EFCAB8: variants seen among roughly 807,000 people sequenced by gnomAD.
The protein encoded by EFCAB8 is EF-hand calcium-binding domain-containing protein 8.
A neutral mutation model predicts 116.3 loss-of-function variants in EFCAB8; 100 were observed. The ratio of observed to expected loss-of-function variants is 0.86; its 90% CI spans 0.73 to 1.02. The LOEUF is 1.02. Ranked by LOEUF, EFCAB8 falls within the 50% of genes least tolerant of loss-of-function variation. The pLI, the probability that EFCAB8 is intolerant of heterozygous loss-of-function variation, is 0.00. For missense variants in EFCAB8, 1,320 were observed against 1,416.9 expected (o/e 0.93, Z 1.10); for synonymous variants, 558 against 567.9 (o/e 0.98, Z 0.25).
chr20:32,861,313 A>G lies in EFCAB8; in HGVS notation c.-11+2307A>G, dbSNP rs1429017696. Among the ~76,000 whole-genome samples, 3 of 151,956 alleles carry G rather than the reference A, an allele frequency of 2.0e-5. No homozygotes were observed. In the East Asian group the frequency reaches 5.9e-4, roughly 30 times the overall value. On this transcript the variant is annotated intron_variant, in intron 1 of 26. Transcript: ENST00000400522. ...ATTTTATTTTATTTTTTTGAGACGG[A>G]GTTGCGTTCTTGTTGCCCAGGCTGG...
chr20:32,919,056 C>T (rs75263960), intron 19 of EFCAB8, among the ~76,000 whole-genome samples: 2,321 of 152,298 alleles, frequency 0.015, 36 homozygotes, highest in South Asian at 0.055. Flanking sequence ...AGGACTAGCC[C>T]TTCCAAGAAT....
At chr20:32,893,958 C>T (rs1292079506) in intron 9 of EFCAB8, among the ~76,000 whole-genome samples, 1 of 152,204 alleles carries the variant, frequency 6.6e-6, no homozygotes, top group African/African-American at 2.4e-5. Flanking sequence ...ATCTGAAGTC[C>T]GGCTGCCTGC....
At chr20:32,959,719 G>A (rs1390935967) in intron 24 of EFCAB8, 59 bp from the exon 25 acceptor site, 12 of 1,309,664 alleles carry the variant, frequency 9.2e-6, no homozygotes, top group South Asian at 1.6e-5. Context: ...AGGGTTTCTG[G>A]GAGGGTCACC....
chr20:32,939,197 T>C (rs1204580624), intron 22 of EFCAB8, among the ~76,000 whole-genome samples: 2 of 88,464 alleles, frequency 2.3e-5, no homozygotes, highest in South Asian at 3.7e-4. Context: ...CTTTCTTTCT[T>C]TCTTTCCTCT....
intron 22 of EFCAB8, among the ~76,000 whole-genome samples, chr20:32,939,065 C>T: frequency 7.9e-6 from 1 of 126,196 alleles, no homozygotes; most frequent in Non-Finnish European, 1.6e-5. Context: ...TTCTTTCTTT[C>T]TCTCTCCCCA....
At chr20:32,864,979 A>G (rs796908508) in intron 2 of EFCAB8, among the ~76,000 whole-genome samples, 2 of 152,182 alleles carry the variant, frequency 1.3e-5, no homozygotes, top group Non-Finnish European at 2.9e-5. Flanking sequence ...TGTTTTGCAG[A>G]TGAGGAAACC....
chr20:32,903,243 A>AC (rs1382801468), intron 11 of EFCAB8, among the ~76,000 whole-genome samples: 2 of 151,544 alleles, frequency 1.3e-5, no homozygotes, highest in African/African-American at 4.9e-5. Flanking sequence ...CTGAAGCCTC[A>AC]CCCCTCCCCT....
chr20:32,886,509 A>T (rs1985639634), intron 6 of EFCAB8, among the ~76,000 whole-genome samples: 1 of 152,152 alleles, frequency 6.6e-6, no homozygotes. Context: ...AGTGATTCAC[A>T]GTTGCATCAG....
At chr20:32,870,035 T>G (rs1350297808) in intron 3 of EFCAB8, among the ~76,000 whole-genome samples, 1 of 152,220 alleles carries the variant, frequency 6.6e-6, no homozygotes, top group East Asian at 1.9e-4. Flanking sequence ...TAAAGGCATC[T>G]TTCTTTATAT....
intron 20 of EFCAB8, among the ~76,000 whole-genome samples, chr20:32,927,751 C>T (rs960143915): frequency 3.3e-5 from 5 of 152,144 alleles, no homozygotes; most frequent in African/African-American, 1.2e-4. Flanking sequence ...GTACAGTGAG[C>T]ACTTGCATAA....
chr20:32,912,736 G>T, intron 16 of EFCAB8, 58 bp from the exon 17 acceptor site: 4 of 716,726 alleles, frequency 5.6e-6, no homozygotes, highest in Non-Finnish European at 1.0e-5. Flanking sequence ...GACATTTAGG[G>T]CCCAGAGCCA....
chr20:32,927,999 T>A (rs1183283518), intron 20 of EFCAB8, among the ~76,000 whole-genome samples: 1 of 152,120 alleles, frequency 6.6e-6, no homozygotes, highest in East Asian at 1.9e-4. Flanking sequence ...CCCCTCTCCC[T>A]CCAAACCCTG....
Position 32,870,487 on chromosome 20 carries a change from T to C in EFCAB8, c.208+2740T>C, listed in dbSNP as rs139470584. Among the ~76,000 whole-genome samples, 1,480 of 152,302 alleles carry C rather than the reference T, an allele frequency of 9.7e-3. 14 individuals carry two copies. Among genetic ancestry groups the C allele is most frequent in the Non-Finnish European group, 0.015 (1,039 of 68,032 alleles). ...CCTTTAAGTTATTACTGTTTTCTGT[T>C]TCCTGTGATCTTTATTTTTAATTTT... On this transcript the variant is annotated intron_variant, in intron 3 of 26. Transcript: ENST00000400522.
At chr20:32,866,087 G>A (rs1409730729) in intron 2 of EFCAB8, among the ~76,000 whole-genome samples, 2 of 152,102 alleles carry the variant, frequency 1.3e-5, no homozygotes, top group East Asian at 1.9e-4. Context: ...GAGCCTTCAC[G>A]TGCTCCTCTG....
chr20:32,899,973 G>A (rs934700707), intron 11 of EFCAB8, among the ~76,000 whole-genome samples: 1 of 152,176 alleles, frequency 6.6e-6, no homozygotes, highest in Non-Finnish European at 1.5e-5. Flanking sequence ...GGTGGCTCTT[G>A]CCCCTGCAGT....
chr20:32,884,254 C>T (rs186268705), intron 5 of EFCAB8, among the ~76,000 whole-genome samples: 8 of 152,304 alleles, frequency 5.3e-5, no homozygotes, highest in East Asian at 1.9e-4. Context: ...GAGCCTGGGC[C>T]GGGTGCACCA....
intron 15 of EFCAB8, among the ~76,000 whole-genome samples, chr20:32,910,192 C>T (rs1196515381): frequency 6.6e-6 from 1 of 152,194 alleles, no homozygotes; most frequent in African/African-American, 2.4e-5. Context: ...CTTGGCTGAG[C>T]GCCTTGGGTC....
At chr20:32,933,445 C>T (rs760342983) in intron 22 of EFCAB8, among the ~76,000 whole-genome samples, 1 of 152,176 alleles carries the variant, frequency 6.6e-6, no homozygotes, top group Non-Finnish European at 1.5e-5. Flanking sequence ...AACATATCTA[C>T]CACCTCACTT....
chr20:32,863,212 C>G (rs1178581510), intron 1 of EFCAB8, among the ~76,000 whole-genome samples: 1 of 152,008 alleles, frequency 6.6e-6, no homozygotes, highest in Non-Finnish European at 1.5e-5. Flanking sequence ...GATTGGTGCT[C>G]CAAAGACCCT....
Sources: allele counts gnomAD v4.1 joint callset (sites outside exome capture counted in the v4.1 genomes callset), GRCh38; gene constraint gnomAD v4.1.1; transcripts MANE v1.5; gene names NCBI Gene and HGNC (gene_info 2026-07-23, HGNC 2026-07-21).